Variants in ARHGEF15 observed in about 807,000 individuals in gnomAD.
ARHGEF15 encodes Rho guanine nucleotide exchange factor (GEF) 15.
ARHGEF15 carries 58 observed loss-of-function variants against 79.7 expected under a neutral mutation model. The ratio of observed to expected loss-of-function variants is 0.73; its 90% CI spans 0.59 to 0.91. The LOEUF is 0.91. ARHGEF15 is among the 40% of genes least tolerant of loss of function. ARHGEF15 has a pLI of 0.00. For synonymous variants in ARHGEF15, 442 were observed against 456.0 expected (o/e 0.97, Z 0.39); for missense variants, 1,012 against 1,108.1 (o/e 0.91, Z 1.23).
chr17:8,321,177 T>C lies in ARHGEF15; in HGVS notation c.*184T>C, dbSNP rs184774149. On this transcript the variant is annotated 3_prime_UTR_variant, in exon 16 of 16. Transcript: ENST00000361926. ...CCGCCTGAACCCACAGCAATAAGAA[T>C]GAATGAGGATGCCTTGAATGTGTGG... The C allele has an allele frequency of 5.9e-4, 442 of 748,936 alleles. 1 individual carries two copies. Among genetic ancestry groups the C allele is most frequent in the Non-Finnish European group, 1.9e-4 (92 of 473,036 alleles). 46.4% of individuals were successfully genotyped at this position (748,936 alleles called of 1,614,324 possible). A position where few individuals can be genotyped will look rare whatever the true frequency, so the allele number is the denominator to read the frequency against.
rs1253104342 is a variant in ARHGEF15, at chr17:8,315,316, G to T, written c.1260+39G>T. On this transcript the variant is annotated intron_variant, in intron 6 of 15. Coordinates refer to ENST00000361926, the MANE Select transcript of ARHGEF15 (RefSeq NM_173728.4). This position sits in a 1 kb window ranked among gnomAD's most constrained non-coding sequence, Gnocchi z 4.3. ...GTGGGAGATGGGAGGGGGGTGCTGG[G>T]GTTGGGCTGCATGGGTCAGGCATAG... The T allele has an allele frequency of 1.2e-6, 2 of 1,611,614 alleles. No individual in the cohort carries two copies. Among genetic ancestry groups the T allele is most frequent in the Non-Finnish European group, 1.7e-6 (2 of 1,178,880 alleles).
Position 8,320,882 on chromosome 17 carries a change from G to C in ARHGEF15, c.2415G>C (p.Leu805=). 1.2e-6 allele frequency: 2 copies of C among 1,613,644 alleles called. No homozygotes were observed. Among genetic ancestry groups the C allele is most frequent in the South Asian group, 1.1e-5 (1 of 91,046 alleles). Residue 805 remains leucine, a synonymous_variant, in exon 16 of 16, where the codon CTG becomes CTC. Coordinates refer to ENST00000361926, the MANE Select transcript of ARHGEF15 (RefSeq NM_173728.4). ...KGLPGAFPAQ[L]VCEVTGEHER... The stretch of plus-strand genomic sequence containing the variant: ...TTCCTGGGGCCTTCCCTGCCCAGCT[G>C]GTGTGTGAAGTCACAGGGGAACACG...
At chr17:8,310,416 G>T (rs113652770) in intron 1 of ARHGEF15, 73 bp downstream of exon 1, 1 of 152,212 alleles carries the variant, frequency 6.6e-6, no homozygotes, top group Non-Finnish European at 1.5e-5. Flanking sequence ...TGAAATAGGC[G>T]TTGGCTCACA....
intron 9 of ARHGEF15, among the ~76,000 whole-genome samples, chr17:8,317,179 C>T (rs1303603068): frequency 6.6e-6 from 1 of 152,312 alleles, no homozygotes; most frequent in East Asian, 1.9e-4. Context: ...CGGCTCACTG[C>T]AGCCTCAAAT....
chr17:8,312,548 C>T lies in ARHGEF15; in HGVS notation c.509C>T (p.Ala170Val), dbSNP rs1440687858. 4.4e-6 allele frequency: 7 copies of T among 1,608,182 alleles called. No individual in the cohort carries two copies. The highest frequency in any genetic ancestry group is 1.3e-5 in the African/African-American group (1 of 74,760). Residue 170 changes from alanine (A) to valine (V), a missense_variant, in exon 2 of 16, where the codon GCC becomes GTC. Coordinates refer to ENST00000361926, the MANE Select transcript of ARHGEF15 (RefSeq NM_173728.4). ...GAEGRAQDAD[A>V]PEPGLQARAD... The stretch of plus-strand genomic sequence containing the variant: ...GAAGGCCGGGCTCAGGATGCAGATG[C>T]CCCGGAGCCAGGTCTCCAAGCGAGA...
intron 9 of ARHGEF15, among the ~76,000 whole-genome samples, chr17:8,316,844 G>A (rs1297248644): frequency 6.6e-6 from 1 of 152,120 alleles, no homozygotes. Flanking sequence ...GTACAGTGGC[G>A]CAATATCGGC....
rs113649070 is a variant in ARHGEF15, at chr17:8,319,220, C to T, written c.2186+61C>T. On this transcript the variant is annotated intron_variant, in intron 13 of 15. Transcript: ENST00000361926. Reference sequence around the variant, plus strand: ...CACTTATCTGACCTCTCAGACCTCCCCCACTTCCCCAGTCTCTCTCTTCTG... The same window carrying T: ...CACTTATCTGACCTCTCAGACCTCCTCCACTTCCCCAGTCTCTCTCTTCTG... 5.6e-4 allele frequency: 904 copies of T among 1,606,286 alleles called. 7 individuals are homozygous for T. In the African/African-American group the frequency reaches 0.011, roughly 19 times the overall value.
intron 9 of ARHGEF15, 105 bp downstream of exon 9, chr17:8,316,253 A>C: frequency 6.9e-7 from 1 of 1,446,008 alleles, no homozygotes. Context: ...CTCCACCTTA[A>C]ACATAAAATC....
intron 9 of ARHGEF15, among the ~76,000 whole-genome samples, chr17:8,316,647 G>T (rs1905044126): frequency 6.6e-6 from 1 of 152,178 alleles, no homozygotes; most frequent in African/African-American, 2.4e-5. Context: ...CATAAACAGA[G>T]TTCCAGTAGA....
intron 2 of ARHGEF15, 83 bp downstream of exon 2, chr17:8,312,723 AC>A (rs1262992291): frequency 6.2e-7 from 1 of 1,603,650 alleles, no homozygotes; most frequent in East Asian, 2.2e-5. Context: ...TTCAGGGGCT[AC>A]CTTTTCAAAA....
Position 8,315,062 on chromosome 17 carries a change from C to G in ARHGEF15, c.1049-4C>G. The G allele has an allele frequency of 6.2e-7, 1 of 1,613,278 alleles. No homozygotes were observed. The highest frequency in any genetic ancestry group is 8.5e-7 in the Non-Finnish European group (1 of 1,179,532). On this transcript the variant is annotated splice_region_variant and splice_polypyrimidine_tract_variant and intron_variant, in intron 5 of 15. Coordinates refer to ENST00000361926, the MANE Select transcript of ARHGEF15 (RefSeq NM_173728.4). This position sits in a 1 kb window ranked among gnomAD's most constrained non-coding sequence, Gnocchi z 4.3. Reference sequence around the variant, plus strand: ...TTCCCTGAAGTGCTATGTTTGCCCTCTAGAACCTCTGTACCAGACCTACCG... The same window carrying G: ...TTCCCTGAAGTGCTATGTTTGCCCTGTAGAACCTCTGTACCAGACCTACCG...
rs1201739227 is a variant in ARHGEF15 at position 8,320,835 on chromosome 17, C to T, written c.2375-7C>T. ...CCTCATTGGAGCCTCTGTCTCTCTTCCCCCAGGTTGGCTGAAGGGGCTTCC... is the reference window on the plus strand; with the variant it reads ...CCTCATTGGAGCCTCTGTCTCTCTTTCCCCAGGTTGGCTGAAGGGGCTTCC... On this transcript the variant is annotated splice_region_variant and splice_polypyrimidine_tract_variant and intron_variant, in intron 15 of 15. Transcript: ENST00000361926. 1 of 1,611,920 alleles carries T rather than the reference C, an allele frequency of 6.2e-7. No individual in the cohort carries two copies. The highest frequency in any genetic ancestry group is 1.1e-5 in the South Asian group (1 of 90,974).
chr17:8,316,535 C>T (rs1905039019), intron 9 of ARHGEF15, among the ~76,000 whole-genome samples: 1 of 152,230 alleles, frequency 6.6e-6, no homozygotes, highest in Non-Finnish European at 1.5e-5. Flanking sequence ...CACATGCCTT[C>T]CCAGCTGGGG....
At chr17:8,311,707 C>T (rs1488801525) in intron 1 of ARHGEF15, among the ~76,000 whole-genome samples, 3 of 151,666 alleles carry the variant, frequency 2.0e-5, no homozygotes, top group African/African-American at 7.3e-5. Context: ...GTATGCTCCA[C>T]TCTCCCCCTG....
Position 8,313,035 on chromosome 17 carries a change from C to A in ARHGEF15, c.715C>A (p.Arg239Ser). ...GGYEEVPRVPRRASPLRTSRS... is the reference protein window; with the variant it reads ...GGYEEVPRVPSRASPLRTSRS... Reference sequence around the variant, plus strand: ...CTATGAGGAGGTCCCCAGGGTCCCCCGTCGGGCCTCCCCGCTGCGGACCTC... The same window carrying A: ...CTATGAGGAGGTCCCCAGGGTCCCCAGTCGGGCCTCCCCGCTGCGGACCTC... The change falls in exon 3 of 16, where the codon CGT (arginine) becomes AGT (serine). Residue 239 changes from arginine to serine, a missense_variant. Around this residue, in one of 3 missense-constraint regions of ARHGEF15, gnomAD observed 818 missense variants for 882.5 expected, o/e 0.93. Transcript: ENST00000361926. The A allele has an allele frequency of 1.2e-6, 2 of 1,613,428 alleles. No homozygotes were observed. The highest frequency in any genetic ancestry group is 8.5e-7 in the Non-Finnish European group (1 of 1,179,822).
chr17:8,312,246 C>T lies in ARHGEF15; in HGVS notation c.207C>T (p.Ser69=). The change falls in exon 2 of 16, where the codon TCC becomes TCT. Residue 69 remains serine, a synonymous_variant. Transcript: ENST00000361926. The stretch of plus-strand genomic sequence containing the variant: ...TCTTCTGGGAGCCCCCAGCTGCATC[C>T]CTCAAGCCCCCTGCTCTTTTGCCCC... ...TPIFWEPPAA[S]LKPPALLPPS... The T allele has an allele frequency of 1.3e-6, 2 of 1,524,882 alleles. No homozygotes were observed. The highest frequency in any genetic ancestry group is 1.8e-6 in the Non-Finnish European group (2 of 1,128,834). The allele number at this position is 1,524,882 out of a possible 1,614,324, so 94.5% of individuals were successfully genotyped here. A position where few individuals can be genotyped will look rare whatever the true frequency, so the allele number is the denominator to read the frequency against.
chr17:8,318,244 C>G lies in ARHGEF15; in HGVS notation c.1705-143C>G. ...GCTCAGAGAGGTAACAGGACTTGCT[C>G]AGGGTTCTGCAGATGGTGAGTGATG... On this transcript the variant is annotated intron_variant, in intron 9 of 15. Transcript: ENST00000361926. This position sits in a 1 kb window ranked among gnomAD's most constrained non-coding sequence, Gnocchi z 5.0. 1.3e-6 allele frequency: 1 copy of G among 785,604 alleles called. No homozygotes were observed. The allele number at this position is 785,604 out of a possible 1,614,324, so 48.7% of individuals were successfully genotyped here. A position where few individuals can be genotyped will look rare whatever the true frequency, so the allele number is the denominator to read the frequency against.
In ARHGEF15 at chr17:8,318,518, T is replaced by G; in HGVS notation, c.1780-52T>G. 6.2e-7 allele frequency: 1 copy of G among 1,612,918 alleles called. No homozygotes were observed. The highest frequency in any genetic ancestry group is 8.5e-7 in the Non-Finnish European group (1 of 1,179,372). On this transcript the variant is annotated intron_variant, in intron 10 of 15. Transcript: ENST00000361926. The surrounding 1 kb of genome is among the most constrained non-coding windows in gnomAD (Gnocchi z 5.0). ...GTGACAAGGTGGTAGAGAGAAATGG[T>G]AGGGAGCAGGGGGCTGGCCGCTGGG...
intron 4 of ARHGEF15, 141 bp downstream of exon 4, chr17:8,313,696 C>A: frequency 1.2e-6 from 1 of 813,876 alleles, no homozygotes; most frequent in East Asian, 2.7e-5. Context: ...GATAAGCAGC[C>A]CTTGTTTCGA....
Sources: gnomAD v4.1 joint callset for allele counts (sites outside exome capture counted in the v4.1 genomes callset) on GRCh38, gnomAD v4.1.1 for gene constraint, gnomAD v4.1.1 regional missense constraint, Gnocchi (gnomAD v3.1) non-coding constraint, MANE v1.5 for transcripts, NCBI Gene and HGNC (gene_info 2026-07-23, HGNC 2026-07-21) for gene names.